MED12L: variants seen among roughly 807,000 people sequenced by gnomAD.
MED12L encodes the protein mediator of RNA polymerase II transcription subunit 12-like protein.
A neutral mutation model predicts 281.3 loss-of-function variants in MED12L; 60 were observed. That is an observed-to-expected ratio of 0.21 (90% CI 0.17 to 0.26). The LOEUF is 0.26. MED12L is among the 10% of genes least tolerant of loss of function. The pLI is 1.00. For synonymous variants in MED12L, 974 were observed against 987.2 expected, an observed-to-expected ratio of 0.99 and a Z score of 0.25; for missense variants, 2,146 against 2,680.9, an observed-to-expected ratio of 0.80 and a Z score of 4.41.
At chr3:151,157,429 A>G (rs1210917556) in intron 6 of MED12L, among the ~76,000 whole-genome samples, 1 of 152,154 alleles carries the variant, frequency 6.6e-6, no homozygotes, top group Non-Finnish European at 1.5e-5. Context: ...CATCTACAGG[A>G]TGGACTGTTA....
At chr3:151,200,899 G>C (rs1468690586) in intron 16 of MED12L, 3 of 152,082 alleles carry the variant, frequency 2.0e-5, no homozygotes, top group Non-Finnish European at 4.4e-5. Context: ...GGCATAATGG[G>C]GTTACTTACC....
At chr3:151,429,434 T>C (rs1719218293) in intron 43 of MED12L, among the ~76,000 whole-genome samples, 2 of 151,880 alleles carry the variant, frequency 1.3e-5, no homozygotes, top group Admixed American at 6.6e-5. Context: ...TTTATGACAG[T>C]GACAGACCAG....
At chr3:151,339,597 T>A (rs1408578141) in intron 16 of MED12L, among the ~76,000 whole-genome samples, 2 of 152,046 alleles carry the variant, frequency 1.3e-5, no homozygotes, top group African/African-American at 4.8e-5. Context: ...TTGAAGTTGC[T>A]GCATACATTT....
chr3:151,338,523 A>C (rs1355461721), intron 16 of MED12L: 1 of 1,613,884 alleles, frequency 6.2e-7, no homozygotes, highest in African/African-American at 1.3e-5. Context: ...ACTGATATAC[A>C]TTGTGAAATA....
At chr3:151,294,016 T>C (rs961808296) in intron 16 of MED12L, 3 of 628,392 alleles carry the variant, frequency 4.8e-6, no homozygotes, top group Admixed American at 3.0e-5. Context: ...CTCTTTGCTA[T>C]GCTTTAATGT....
At chr3:151,100,060 T>G (rs1268438950) in intron 2 of MED12L, among the ~76,000 whole-genome samples, 3 of 152,310 alleles carry the variant, frequency 2.0e-5, no homozygotes, top group East Asian at 3.9e-4. Flanking sequence ...TAGTTTTCCT[T>G]TATCAGTCTG....
chr3:151,356,748 A>T (rs1577423929), intron 19 of MED12L, among the ~76,000 whole-genome samples: 1 of 152,226 alleles, frequency 6.6e-6, no homozygotes, highest in South Asian at 2.1e-4. Context: ...AAACCTTATG[A>T]TTTGATTTGC....
chr3:151,177,854 A>G (rs1047176598), intron 11 of MED12L, among the ~76,000 whole-genome samples: 3 of 152,114 alleles, frequency 2.0e-5, no homozygotes, highest in East Asian at 1.9e-4. Flanking sequence ...TGTTAATACT[A>G]TTATTGCCAT....
At chr3:151,199,002 C>G in intron 16 of MED12L, 2 of 1,614,020 alleles carry the variant, frequency 1.2e-6, no homozygotes, top group Non-Finnish European at 1.7e-6. Flanking sequence ...TTGGCAAATC[C>G]GGGTTCTTGT....
intron 20 of MED12L, among the ~76,000 whole-genome samples, chr3:151,359,877 A>G (rs999878185): frequency 6.6e-6 from 1 of 152,138 alleles, no homozygotes; most frequent in Non-Finnish European, 1.5e-5. Flanking sequence ...AAAGAGGCCT[A>G]TAACTACAGG....
intron 16 of MED12L, among the ~76,000 whole-genome samples, chr3:151,207,793 C>T (rs1726578466): frequency 6.6e-6 from 1 of 152,160 alleles, no homozygotes; most frequent in African/African-American, 2.4e-5. Flanking sequence ...AGCTGAGAAC[C>T]ACTGCAGAAG....
At position 151,380,321 on chromosome 3, in the gene MED12L, G is replaced by T. The variant is rs1474593393; in HGVS notation, c.4590+97G>T. 8.7e-6 allele frequency: 7 copies of T among 808,244 alleles called. No individual in the cohort carries two copies. The South Asian group carries it at 1.0e-4, about 12-fold the overall frequency. The allele number at this position is 808,244 out of a possible 1,614,324, so 50.1% of individuals were successfully genotyped here. A position where few individuals can be genotyped will look rare whatever the true frequency, so the allele number is the denominator to read the frequency against. On this transcript the variant is annotated intron_variant, in intron 32 of 44. Coordinates refer to ENST00000687756, the MANE Select transcript of MED12L (RefSeq NM_001393769.1). ...CTGAGATTAAATTAATAAGGGCCAGGTGTGGTGGCTCATGCCTGTAATCCC... is the reference window on the plus strand; with the variant it reads ...CTGAGATTAAATTAATAAGGGCCAGTTGTGGTGGCTCATGCCTGTAATCCC...
chr3:151,108,134 G>C (rs1195099567), intron 2 of MED12L, among the ~76,000 whole-genome samples: 1 of 151,974 alleles, frequency 6.6e-6, no homozygotes, highest in African/African-American at 2.4e-5. Flanking sequence ...AACTGTTTCA[G>C]GAAGATTCAT....
chr3:151,294,856 C>T (rs1210644216), intron 16 of MED12L: 3 of 1,613,912 alleles, frequency 1.9e-6, no homozygotes, highest in Non-Finnish European at 1.7e-6. Flanking sequence ...GCCCAAGGAA[C>T]ACGATGGAAG....
chr3:151,163,786 G>C, intron 8 of MED12L, 107 bp from the exon 9 acceptor site: 1 of 1,123,248 alleles, frequency 8.9e-7, no homozygotes, highest in Non-Finnish European at 1.3e-6. Context: ...AAACTTACTA[G>C]TAGGAGACAA....
intron 4 of MED12L, 46 bp from the exon 5 acceptor site, chr3:151,127,779 A>G (rs751006710): frequency 7.1e-7 from 1 of 1,404,106 alleles, no homozygotes; most frequent in South Asian, 1.2e-5. Context: ...CTAGTGATGA[A>G]CACAGTACGT....
At chr3:151,319,598 A>G (rs750904428) in intron 16 of MED12L, among the ~76,000 whole-genome samples, 1 of 152,082 alleles carries the variant, frequency 6.6e-6, no homozygotes, top group Non-Finnish European at 1.5e-5. Flanking sequence ...TATTAAGACT[A>G]CAAACAAATT....
In MED12L at chr3:151,089,464, T is replaced by C. The variant is rs562895629; in HGVS notation, c.99+2439T>C. 2.0e-5 allele frequency among the ~76,000 whole-genome samples: 3 copies of C among 151,734 alleles called. No individual in the cohort carries two copies. The East Asian group carries it at 5.8e-4, about 29-fold the overall frequency. On this transcript the variant is annotated intron_variant, in intron 2 of 44. Coordinates refer to ENST00000687756, the MANE Select transcript of MED12L (RefSeq NM_001393769.1). ...ATTGTGTGGCCTTGGGCAAGTTGCATAGCCTCTCATTTGTAAATTAGTTTG... is the reference window on the plus strand; with the variant it reads ...ATTGTGTGGCCTTGGGCAAGTTGCACAGCCTCTCATTTGTAAATTAGTTTG...
intron 39 of MED12L, among the ~76,000 whole-genome samples, chr3:151,402,864 C>T (rs1326533589): frequency 1.1e-4 from 17 of 152,236 alleles, no homozygotes; most frequent in Admixed American, 6.5e-4. Flanking sequence ...TGGCTACCCA[C>T]GTCATTAGGC....
Sources: allele counts gnomAD v4.1 joint callset (sites outside exome capture counted in the v4.1 genomes callset), GRCh38; gene constraint gnomAD v4.1.1; transcripts MANE v1.5; gene names NCBI Gene and HGNC (gene_info 2026-07-23, HGNC 2026-07-21).